FAM131B: variants seen among roughly 807,000 people sequenced by gnomAD.
The protein encoded by FAM131B is family with sequence similarity 131 member B, also known as protein FAM131B.
In FAM131B, 19 loss-of-function variants were observed where a neutral mutation model predicts 42.0. The observed-to-expected ratio is 0.45, with a 90% CI of 0.32 to 0.66. FAM131B has a LOEUF of 0.66. FAM131B is among the 30% of genes least tolerant of loss of function. The pLI is 0.05. For missense variants in FAM131B, 370 were observed against 468.4 expected, an observed-to-expected ratio of 0.79 and a Z score of 1.94; for synonymous variants, 183 against 177.6, an observed-to-expected ratio of 1.03 and a Z score of -0.24.
chr7:143,357,643 T>C (rs1803732612), intron 5 of FAM131B, among the ~76,000 whole-genome samples: 1 of 152,238 alleles, frequency 6.6e-6, no homozygotes, highest in Non-Finnish European at 1.5e-5. Flanking sequence ...AAAAAGATTT[T>C]CATCTCAACA....
the FAM131B span, among the ~76,000 whole-genome samples, chr7:143,379,283 ATC>A: frequency 6.6e-6 from 1 of 152,194 alleles, no homozygotes; most frequent in African/African-American, 2.4e-5. Context: ...CCAAGACACA[ATC>A]TCCAACATGC....
chr7:143,382,105 GC>G, the FAM131B span: 1 of 621,176 alleles, frequency 1.6e-6, no homozygotes, highest in East Asian at 5.2e-5. Context: ...CTCCCAGGGC[GC>G]CCTGCGCCCC....
In FAM131B at chr7:143,360,233, T is replaced by G. The variant is rs1182698392; in HGVS notation, c.29-84A>C. On this transcript the variant is annotated intron_variant, in intron 1 of 6. Transcript: ENST00000443739. Reference sequence around the variant, plus strand: ...CCCTGGGGCCAGCCCTTCACACCCCTTCCTTACCCCAGCTGCCCATTTCCT... The same window carrying G: ...CCCTGGGGCCAGCCCTTCACACCCCGTCCTTACCCCAGCTGCCCATTTCCT... 3 of 1,539,284 alleles carry G rather than the reference T, an allele frequency of 1.9e-6. No individual in the cohort carries two copies. The African/African-American group carries it at 4.1e-5, about 21-fold the overall frequency.
chr7:143,380,460 G>C, the FAM131B span: 3 of 985,152 alleles, frequency 3.0e-6, no homozygotes, highest in Non-Finnish European at 3.6e-6. This position sits in a 1 kb window ranked among gnomAD's most constrained non-coding sequence, Gnocchi z 5.0. Context: ...GGAGTGGGTC[G>C]TGGTGGGCGT....
At chr7:143,364,932 G>A (rs1354449627), upstream of FAM131B, among the ~76,000 whole-genome samples, 1 of 152,210 alleles carries the variant, frequency 6.6e-6, no homozygotes. Context: ...TTTGAAGCTG[G>A]GGTCCCCAGG....
the FAM131B span, among the ~76,000 whole-genome samples, chr7:143,370,344 C>T: frequency 6.6e-6 from 1 of 152,180 alleles, no homozygotes; most frequent in African/African-American, 2.4e-5. Context: ...TGAAGCAGCT[C>T]ACACGGGGGG....
At position 143,355,455 on chromosome 7, in the gene FAM131B, C is replaced by T. The variant is rs1175419990; in HGVS notation, c.*1095G>A. On this transcript the variant is annotated 3_prime_UTR_variant, in exon 7 of 7. Coordinates refer to ENST00000443739, the MANE Select transcript of FAM131B (RefSeq NM_001031690.3). The surrounding 1 kb of genome is among the most constrained non-coding windows in gnomAD (Gnocchi z 4.1). ...GGGCAGAAAGTGCCGAGTGCCCACC[C>T]TGGCCCTCAGCTGCAACCCTGCCTG... The T allele has an allele frequency of 2.0e-5, 3 of 152,686 alleles. No individual in the cohort carries two copies. The highest frequency in any genetic ancestry group is 4.4e-5 in the Non-Finnish European group (3 of 68,126). 9.5% of individuals were successfully genotyped at this position (152,686 alleles called of 1,614,324 possible).
intron 1 of FAM131B, chr7:143,361,029 A>G (rs1265022626): frequency 2.6e-5 from 4 of 152,070 alleles, no homozygotes; most frequent in African/African-American, 9.7e-5. Flanking sequence ...CAAGCAGCAG[A>G]TGGCTGCCTG....
At chr7:143,375,019 C>T in the FAM131B span, among the ~76,000 whole-genome samples, 1 of 152,188 alleles carries the variant, frequency 6.6e-6, no homozygotes, top group Admixed American at 6.5e-5. Flanking sequence ...CTGAACTCAC[C>T]AAGGGCTGAG....
the FAM131B span, chr7:143,380,232 T>TAA: frequency 0.015 from 14,183 of 946,092 alleles, 19 homozygotes; most frequent in Non-Finnish European, 0.016. The surrounding 1 kb of genome is among the most constrained non-coding windows in gnomAD (Gnocchi z 5.0). Context: ...CCAGTGCAAT[T>TAA]AAAAAAAAAA....
At position 143,356,292 on chromosome 7, in the gene FAM131B, C is replaced by G; in HGVS notation, c.*258G>C. 1 of 513,216 alleles carries G rather than the reference C, an allele frequency of 1.9e-6. No individual in the cohort carries two copies. 31.8% of individuals were successfully genotyped at this position (513,216 alleles called of 1,614,324 possible). On this transcript the variant is annotated 3_prime_UTR_variant, in exon 7 of 7. Coordinates refer to ENST00000443739, the MANE Select transcript of FAM131B (RefSeq NM_001031690.3). This position sits in a 1 kb window ranked among gnomAD's most constrained non-coding sequence, Gnocchi z 4.4. ...CGGCACAGACCCAGAAGCCCACAGC[C>G]CAGGTCCTTCTCCACAGCCACACCA...
the FAM131B span, among the ~76,000 whole-genome samples, chr7:143,370,820 C>T: frequency 3.3e-5 from 5 of 152,206 alleles, no homozygotes; most frequent in African/African-American, 9.7e-5. Flanking sequence ...TTTTACTTTC[C>T]TCTATGGACT....
At chr7:143,373,023 A>G in the FAM131B span, among the ~76,000 whole-genome samples, 18 of 151,994 alleles carry the variant, frequency 1.2e-4, no homozygotes, top group African/African-American at 3.9e-4. Flanking sequence ...TAGTGGTTAC[A>G]CCATTAGTGG....
At chr7:143,376,969 TTTTA>T in the FAM131B span, among the ~76,000 whole-genome samples, 2 of 152,214 alleles carry the variant, frequency 1.3e-5, no homozygotes, top group Admixed American at 6.5e-5. Flanking sequence ...AACAATTCTT[TTTTA>T]TTTGTTTATT....
At chr7:143,366,512 T>A (rs1054425952), upstream of FAM131B, among the ~76,000 whole-genome samples, 9 of 151,758 alleles carry the variant, frequency 5.9e-5, no homozygotes, top group African/African-American at 2.2e-4. Context: ...AGAATAGTCT[T>A]GGGGACTAGG....
At chr7:143,365,840 C>G (rs975711147), upstream of FAM131B, among the ~76,000 whole-genome samples, 5 of 152,308 alleles carry the variant, frequency 3.3e-5, no homozygotes, top group Admixed American at 1.3e-4. Flanking sequence ...AACTCCTGGC[C>G]TCAAGAGATC....
At chr7:143,361,365 G>A (rs1563097538) in intron 1 of FAM131B, 1 of 152,184 alleles carries the variant, frequency 6.6e-6, no homozygotes. Flanking sequence ...GCGGGGTGCG[G>A]GGGGAGAGGG....
the FAM131B span, among the ~76,000 whole-genome samples, chr7:143,370,684 T>C: frequency 2.8e-4 from 42 of 152,162 alleles, no homozygotes; most frequent in Non-Finnish European, 5.4e-4. Flanking sequence ...ATGAATAACC[T>C]ACCCCTTGTT....
the FAM131B span, among the ~76,000 whole-genome samples, chr7:143,373,216 C>T: frequency 3.3e-5 from 5 of 152,106 alleles, no homozygotes; most frequent in East Asian, 9.7e-4. Flanking sequence ...AACCCCATCT[C>T]TACTAAAAAT....
Sources: allele counts gnomAD v4.1 joint callset (sites outside exome capture counted in the v4.1 genomes callset), GRCh38; gene constraint gnomAD v4.1.1; non-coding constraint Gnocchi (gnomAD v3.1); transcripts MANE v1.5; gene names NCBI Gene and HGNC (gene_info 2026-07-23, HGNC 2026-07-21).